FMNL1: variants seen among roughly 807,000 people sequenced by gnomAD.
FMNL1 encodes the protein formin like 1.
FMNL1 carries 43 observed loss-of-function variants against 121.3 expected under a neutral mutation model. That is an observed-to-expected ratio of 0.35 (90% CI 0.28 to 0.46). The LOEUF is 0.46. Ranked by LOEUF, FMNL1 falls within the 20% of genes least tolerant of loss-of-function variation. The pLI is 1.00. For missense variants in FMNL1, 1,191 were observed against 1,482.4 expected (o/e 0.80, Z 3.23); for synonymous variants, 613 against 613.5 (o/e 1.00, Z 0.01).
chr17:45,222,541 G>A (rs983279213), intron 1 of FMNL1, among the ~76,000 whole-genome samples: 13 of 152,326 alleles, frequency 8.5e-5, no homozygotes, highest in Middle Eastern at 3.4e-3. Context: ...GAAGTTGGGA[G>A]CGGGGCACGC....
At chr17:45,222,790 C>T (rs749611589) in intron 1 of FMNL1, among the ~76,000 whole-genome samples, 226 of 152,244 alleles carry the variant, frequency 1.5e-3, no homozygotes, top group Non-Finnish European at 2.5e-3. Flanking sequence ...TATGTCAGAG[C>T]CAGGGTGCCT....
At chr17:45,246,724 G>T (rs567926054) in intron 26 of FMNL1, 120 bp downstream of exon 26, 428 of 1,033,432 alleles carry the variant, frequency 4.1e-4, no homozygotes, top group Non-Finnish European at 5.1e-4. Flanking sequence ...TTTGTGGGGT[G>T]GAGGGGTCTG....
chr17:45,230,648 G>C lies in FMNL1; in HGVS notation c.174G>C (p.Gln58His). 1.9e-6 allele frequency: 3 copies of C among 1,613,948 alleles called. No homozygotes were observed. The East Asian group carries it at 6.7e-5, about 36-fold the overall frequency. Residue 58 changes from glutamine to histidine, a missense_variant, in exon 2 of 27, where the codon CAG becomes CAC. By Grantham distance (24) the Gln-to-His change is conservative. Transcript: ENST00000331495. Reference sequence around the variant, plus strand: ...CAGACAAGGTCCAGCTGCTGAGCCAGTATGACAACGAGAAGAAGTGGGAGC... The same window carrying C: ...CAGACAAGGTCCAGCTGCTGAGCCACTATGACAACGAGAAGAAGTGGGAGC... ...LPPDKVQLLS[Q>H]YDNEKKWELI...
At chr17:45,244,585 G>A (rs1005761506) in intron 19 of FMNL1, among the ~76,000 whole-genome samples, 1 of 152,202 alleles carries the variant, frequency 6.6e-6, no homozygotes, top group Non-Finnish European at 1.5e-5. Flanking sequence ...GTTGTGGGTT[G>A]GACTAGCAGA....
chr17:45,243,439 C>T (rs2043755318), intron 17 of FMNL1, 119 bp downstream of exon 17: 2 of 1,214,826 alleles, frequency 1.6e-6, no homozygotes, highest in Non-Finnish European at 2.3e-6. Context: ...TTCATACCAA[C>T]CCTGGTCCAG....
intron 6 of FMNL1, among the ~76,000 whole-genome samples, chr17:45,235,845 G>A (rs2043537485): frequency 6.6e-6 from 1 of 152,182 alleles, no homozygotes; most frequent in Admixed American, 6.5e-5. Context: ...GGCCATGAGC[G>A]CCACCTTGTG....
At position 45,247,205 on chromosome 17, in the gene FMNL1, C is replaced by T; in HGVS notation, c.*347C>T. The stretch of plus-strand genomic sequence containing the variant: ...CCCTCCAAATAGCCATACTTAGCCT[C>T]AGCAGGAGCCTGGCCTGTAACTTAT... On this transcript the variant is annotated 3_prime_UTR_variant, in exon 27 of 27. Transcript: ENST00000331495. 2 of 537,712 alleles carry T rather than the reference C, an allele frequency of 3.7e-6. No individual in the cohort carries two copies. The highest frequency in any genetic ancestry group is 2.7e-5 in the South Asian group (1 of 37,316). 33.3% of individuals were successfully genotyped at this position (537,712 alleles called of 1,614,324 possible).
intron 1 of FMNL1, among the ~76,000 whole-genome samples, chr17:45,228,531 T>C (rs1286986350): frequency 1.3e-5 from 2 of 152,198 alleles, no homozygotes; most frequent in Non-Finnish European, 2.9e-5. Flanking sequence ...AACTAATCTG[T>C]GCCTGCACCT....
chr17:45,232,627 A>G (rs1306702689), intron 3 of FMNL1, 147 bp downstream of exon 3: 2 of 766,230 alleles, frequency 2.6e-6, no homozygotes, highest in African/African-American at 1.7e-5. Flanking sequence ...CTGTGTATTT[A>G]TAGGGGAATG....
chr17:45,242,224 G>T (rs2043722006), intron 15 of FMNL1, 78 bp downstream of exon 15: 2 of 1,563,222 alleles, frequency 1.3e-6, no homozygotes, highest in East Asian at 2.3e-5. Context: ...GTCCTCCAGG[G>T]TCCTCTGCCT....
chr17:45,222,037 C>A lies in FMNL1; in HGVS notation c.-88C>A. The A allele has an allele frequency of 9.4e-7, 1 of 1,067,038 alleles. No homozygotes were observed. The highest frequency in any genetic ancestry group is 4.8e-5 in the East Asian group (1 of 20,640). The allele number at this position is 1,067,038 out of a possible 1,614,324, so 66.1% of individuals were successfully genotyped here. On this transcript the variant is annotated 5_prime_UTR_variant, in exon 1 of 27. Coordinates refer to ENST00000331495, the MANE Select transcript of FMNL1 (RefSeq NM_005892.4). ...CACCGCCAGCCGCTGCCCCCTCGCC[C>A]CCGCCCGGGCCGGGAGCCTCGTCCC...
intron 24 of FMNL1, 47 bp from the exon 25 acceptor site, chr17:45,246,163 T>C: frequency 6.3e-7 from 1 of 1,575,850 alleles, no homozygotes; most frequent in South Asian, 1.2e-5. Flanking sequence ...TCCAGGGTTT[T>C]GGTGATGGGG....
At chr17:45,240,754 C>G in intron 12 of FMNL1, 129 bp downstream of exon 12, 1 of 1,343,724 alleles carries the variant, frequency 7.4e-7, no homozygotes, top group Non-Finnish European at 1.0e-6. Flanking sequence ...TGCTGCCTGC[C>G]TGGCCCCAGA....
intron 3 of FMNL1, 66 bp downstream of exon 3, chr17:45,232,546 T>A: frequency 6.9e-7 from 1 of 1,448,334 alleles, no homozygotes. Context: ...GCAGCTGGAG[T>A]AACTGTGTGT....
At chr17:45,222,529 A>G (rs1394302135) in intron 1 of FMNL1, among the ~76,000 whole-genome samples, 1 of 152,024 alleles carries the variant, frequency 6.6e-6, no homozygotes, top group Non-Finnish European at 1.5e-5. Context: ...ATGTCCTGTG[A>G]AGAAGTTGGG....
At chr17:45,239,139 G>C in intron 11 of FMNL1, 74 bp downstream of exon 11, 2 of 1,296,390 alleles carry the variant, frequency 1.5e-6, no homozygotes, top group Non-Finnish European at 2.2e-6. Flanking sequence ...AGCAGCATGA[G>C]TGCTGGGGTC....
chr17:45,241,747 CAGGT>C lies in FMNL1; in HGVS notation c.1586-96_1586-93del, dbSNP rs1014859411. 6 of 1,430,074 alleles carry C rather than the reference CAGGT, an allele frequency of 4.2e-6. No individual in the cohort carries two copies. The highest frequency in any genetic ancestry group is 2.9e-5 in the African/African-American group (2 of 69,306). 88.6% of individuals were successfully genotyped at this position (1,430,074 alleles called of 1,614,324 possible). A position where few individuals can be genotyped will look rare whatever the true frequency, so the allele number is the denominator to read the frequency against. On this transcript the variant is annotated intron_variant, in intron 14 of 26. Transcript: ENST00000331495. This position sits in a 1 kb window ranked among gnomAD's most constrained non-coding sequence, Gnocchi z 7.0. ...GGAGGTTTGGATTGTAGGCTCGGCT[CAGGT>C]AGGAGCGCATGCGTAGAGCGGAGAG... is the stretch of plus-strand genomic sequence containing the variant.
At chr17:45,232,098 C>G (rs944902787) in intron 2 of FMNL1, among the ~76,000 whole-genome samples, 1 of 152,008 alleles carries the variant, frequency 6.6e-6, no homozygotes. Context: ...CGCTTGAGCC[C>G]GGGAGTAGGA....
chr17:45,243,633 G>A (rs2043759620), intron 17 of FMNL1, among the ~76,000 whole-genome samples, 158 bp from the exon 18 acceptor site: 1 of 152,246 alleles, frequency 6.6e-6, no homozygotes, highest in South Asian at 2.1e-4. Flanking sequence ...TGGATTCCCA[G>A]TTCCCAGTTT....
Sources: gnomAD v4.1 joint callset for allele counts (sites outside exome capture counted in the v4.1 genomes callset) on GRCh38, gnomAD v4.1.1 for gene constraint, Gnocchi (gnomAD v3.1) non-coding constraint, MANE v1.5 for transcripts, NCBI Gene and HGNC (gene_info 2026-07-23, HGNC 2026-07-21) for gene names.